The following PIEZO2 variants were observed in gnomAD, a reference collection of about 807,000 sequenced individuals.
PIEZO2 encodes piezo type mechanosensitive ion channel component 2.
PIEZO2 carries 172 observed loss-of-function variants against 337.3 expected under a neutral mutation model. The ratio of observed to expected loss-of-function variants is 0.51; its 90% confidence interval spans 0.45 to 0.58. The LOEUF (loss-of-function observed/expected upper bound fraction) is 0.58. Ranked by LOEUF, PIEZO2 falls within the 20% of genes least tolerant of loss-of-function variation. The pLI is 0.00. For missense variants in PIEZO2, 3,028 were observed against 3,391.3 expected (o/e 0.89, Z 2.66); for synonymous variants, 1,251 against 1,228.5 (o/e 1.02, Z -0.38).
intron 3 of PIEZO2, among the ~76,000 whole-genome samples, chr18:10,965,575 T>C (rs2033964381): frequency 6.6e-6 from 1 of 152,230 alleles, no homozygotes; most frequent in Non-Finnish European, 1.5e-5. Context: ...ACAAGCATGT[T>C]GATGAACAAT....
intron 2 of PIEZO2, among the ~76,000 whole-genome samples, chr18:11,057,814 C>T (rs965684311): frequency 5.3e-5 from 8 of 152,254 alleles, no homozygotes; most frequent in African/African-American, 1.9e-4. Context: ...GTTAAGTGTA[C>T]TGAGCCTACA....
At chr18:10,776,059 C>T (rs557903649) in intron 18 of PIEZO2, among the ~76,000 whole-genome samples, 2 of 152,268 alleles carry the variant, frequency 1.3e-5, no homozygotes, top group African/African-American at 4.8e-5. Flanking sequence ...ATTTTAAATG[C>T]ATGAATAAAG....
Position 11,048,181 on chromosome 18 carries a change from C to T in PIEZO2, c.160+17946G>A, listed in dbSNP as rs573053709. ...GACTATTAGTGACTTTCCCCAATAC[C>T]CCTTAAGGGCACAAAATACTGGCAA... On this transcript the variant is annotated intron_variant, in intron 2 of 55. Transcript: ENST00000674853. The surrounding 1 kb of genome is among the most constrained non-coding windows in gnomAD (Gnocchi z 4.5). Among the ~76,000 whole-genome samples, 2 of 152,266 alleles carry T rather than the reference C, an allele frequency of 1.3e-5. No individual in the cohort carries two copies. Among genetic ancestry groups the T allele is most frequent in the East Asian group, 1.9e-4 (1 of 5,184 alleles).
At chr18:10,719,981 G>T (rs1176633005) in intron 36 of PIEZO2, among the ~76,000 whole-genome samples, 1 of 151,986 alleles carries the variant, frequency 6.6e-6, no homozygotes, top group African/African-American at 2.4e-5. Flanking sequence ...ATTTGGTGTT[G>T]ATGCTGTCAT....
intron 5 of PIEZO2, among the ~76,000 whole-genome samples, chr18:10,865,864 A>G (rs576944648): frequency 3.2e-4 from 48 of 152,302 alleles, no homozygotes; most frequent in African/African-American, 1.1e-3. Context: ...CTACCCCCCA[A>G]GAAAGGAACA....
At position 11,127,802 on chromosome 18, in the gene PIEZO2, C is replaced by CGTGTGTGTGT. The variant is rs1568397732; in HGVS notation, c.64+20722_64+20723insACACACACAC. Among the ~76,000 whole-genome samples the CGTGTGTGTGT allele has an allele frequency of 4.5e-4, 11 of 24,520 alleles. No individual in the cohort carries two copies. The highest frequency in any genetic ancestry group is 9.1e-4 in the South Asian group (1 of 1,102). 16.1% of individuals were successfully genotyped at this position (24,520 alleles called of 152,430 possible). On this transcript the variant is annotated intron_variant, in intron 1 of 55. Transcript: ENST00000674853. This position sits in a 1 kb window ranked among gnomAD's most constrained non-coding sequence, Gnocchi z 4.5. The stretch of plus-strand genomic sequence containing the variant: ...ATGCATATACGTGTGTGTGTGTGTG[C>CGTGTGTGTGT]ATGTGTGTGTGTGTGTGTGTGTGTA...
intron 5 of PIEZO2, among the ~76,000 whole-genome samples, chr18:10,868,717 T>C (rs1444855370): frequency 2.6e-5 from 4 of 152,252 alleles, no homozygotes; most frequent in Non-Finnish European, 4.4e-5. Flanking sequence ...ATCCTAAATC[T>C]ATCTCTGAAA....
chr18:10,731,983 A>G (rs2036806185), intron 35 of PIEZO2, among the ~76,000 whole-genome samples: 1 of 152,212 alleles, frequency 6.6e-6, no homozygotes, highest in Non-Finnish European at 1.5e-5. Context: ...CCTTCTGAAT[A>G]ATAGCTATTA....
At chr18:10,760,840 CA>C in intron 24 of PIEZO2, 70 bp downstream of exon 24, 1 of 1,301,166 alleles carries the variant, frequency 7.7e-7, no homozygotes, top group Admixed American at 2.1e-5. Flanking sequence ...TTCCAGTGGC[CA>C]ATTGGCCAGA....
At position 10,794,639 on chromosome 18, in the gene PIEZO2, T is replaced by C. The variant is rs2144205583; in HGVS notation, c.1758+133A>G. 1 of 727,204 alleles carries C rather than the reference T, an allele frequency of 1.4e-6. No individual in the cohort carries two copies. 45.0% of individuals were successfully genotyped at this position (727,204 alleles called of 1,614,324 possible). On this transcript the variant is annotated intron_variant, in intron 13 of 55. Coordinates refer to ENST00000674853, the MANE Select transcript of PIEZO2 (RefSeq NM_001378183.1). This position sits in a 1 kb window ranked among gnomAD's most constrained non-coding sequence, Gnocchi z 6.6. ...AAGCACCGCAAACTGTTTCTTACAG[T>C]CTCATGTTTGTTCATTTTTACAAAG...
At chr18:10,736,803 G>T in intron 33 of PIEZO2, 93 bp from the exon 34 acceptor site, 1 of 1,343,820 alleles carries the variant, frequency 7.4e-7, no homozygotes. Flanking sequence ...TACACAAATT[G>T]TCCATAAGAG....
At chr18:10,848,534 G>C (rs1418383872) in intron 7 of PIEZO2, among the ~76,000 whole-genome samples, 3 of 152,206 alleles carry the variant, frequency 2.0e-5, no homozygotes, top group Non-Finnish European at 4.4e-5. Context: ...TTATTTAAGA[G>C]AGAATGCTAT....
rs576042038 is a variant in PIEZO2 at position 10,750,381 on chromosome 18, A to T, written c.4168-194T>A. ...AATGTAAATTCCTGGGAAAAATTAA[A>T]CCTAACGAGGAAAGGAAAGGTCTTT... On this transcript the variant is annotated intron_variant, in intron 28 of 55. Transcript: ENST00000674853. The surrounding 1 kb of genome is among the most constrained non-coding windows in gnomAD (Gnocchi z 4.1). Among the ~76,000 whole-genome samples, 6 of 152,304 alleles carry T rather than the reference A, an allele frequency of 3.9e-5. No individual in the cohort carries two copies. The East Asian group carries it at 1.2e-3, about 29-fold the overall frequency.
At position 11,040,630 on chromosome 18, in the gene PIEZO2, T is replaced by C. The variant is rs773879888; in HGVS notation, c.160+25497A>G. Reference sequence around the variant, plus strand: ...TTCTAATATGATCTATGTACCTGCATATTAGGTGCATTTGTACCCAGAGTA... The same window carrying C: ...TTCTAATATGATCTATGTACCTGCACATTAGGTGCATTTGTACCCAGAGTA... On this transcript the variant is annotated intron_variant, in intron 2 of 55. Coordinates refer to ENST00000674853, the MANE Select transcript of PIEZO2 (RefSeq NM_001378183.1). Among the ~76,000 whole-genome samples, 71 of 152,318 alleles carry C rather than the reference T, an allele frequency of 4.7e-4. No homozygotes were observed. The Middle Eastern group carries it at 0.01, about 22-fold the overall frequency.
At chr18:10,886,323 C>CATATATATATATAT (rs58335722) in intron 4 of PIEZO2, among the ~76,000 whole-genome samples, 115 of 26,360 alleles carry the variant, frequency 4.4e-3, no homozygotes, top group African/African-American at 0.011. Context: ...CCTATACATA[C>CATATATATATATAT]ATATATATAT....
intron 3 of PIEZO2, among the ~76,000 whole-genome samples, chr18:10,963,565 T>C (rs908016771): frequency 4.2e-4 from 64 of 152,352 alleles, no homozygotes; most frequent in African/African-American, 1.5e-3. Flanking sequence ...TGCATTTATC[T>C]TCTGTTTCTC....
intron 4 of PIEZO2, among the ~76,000 whole-genome samples, chr18:10,909,619 T>C (rs2030279030): frequency 6.6e-6 from 1 of 152,222 alleles, no homozygotes; most frequent in South Asian, 2.1e-4. Flanking sequence ...TTCTTTAAAA[T>C]GTTTCAGCCA....
chr18:10,949,380 A>T (rs1245637954), intron 3 of PIEZO2, among the ~76,000 whole-genome samples: 1 of 152,202 alleles, frequency 6.6e-6, no homozygotes, highest in Admixed American at 6.5e-5. Flanking sequence ...TAATGCTTTT[A>T]AAAAAGAGGT....
chr18:10,933,284 C>A (rs1169535810), intron 3 of PIEZO2, among the ~76,000 whole-genome samples: 1 of 152,064 alleles, frequency 6.6e-6, no homozygotes, highest in African/African-American at 2.4e-5. Context: ...TGAACGTTTA[C>A]ATTACATTGG....
Sources: gnomAD v4.1 joint callset for allele counts (sites outside exome capture counted in the v4.1 genomes callset) on GRCh38, gnomAD v4.1.1 for gene constraint, Gnocchi (gnomAD v3.1) non-coding constraint, MANE v1.5 for transcripts, NCBI Gene and HGNC (gene_info 2026-07-23, HGNC 2026-07-21) for gene names.